The following ZNF664 variants were observed in gnomAD, a reference collection of about 807,000 sequenced individuals.
The protein encoded by ZNF664 is zinc finger protein 664, also known as zinc finger Organ of Corti 1.
A neutral mutation model predicts 18.2 loss-of-function variants in ZNF664; 10 were observed. The observed-to-expected ratio is 0.55, with a 90% confidence interval of 0.34 to 0.93. The LOEUF is 0.93. Among genes scored for constraint, ZNF664 ranks in the 40% least tolerant of loss-of-function variants. The pLI, the probability that ZNF664 is intolerant of heterozygous loss-of-function variation, is 0.02. For missense variants in ZNF664, 193 were observed against 319.0 expected (o/e 0.61, Z 3.01); for synonymous variants, 119 against 104.2 (o/e 1.14, Z -0.86).
At chr12:124,007,120 G>A (rs996812189) in intron 3 of ZNF664, among the ~76,000 whole-genome samples, 4 of 152,092 alleles carry the variant, frequency 2.6e-5, no homozygotes, top group Admixed American at 6.6e-5. Context: ...AAAATTTGCC[G>A]GAGTTTCTTT....
intron 3 of ZNF664, chr12:123,998,681 C>G (rs1174727907): frequency 6.6e-6 from 1 of 152,442 alleles, no homozygotes; most frequent in Admixed American, 6.5e-5. Flanking sequence ...AAGCTCCACT[C>G]AAACATGCTA....
chr12:123,979,833 C>T (rs1956741264), intron 2 of ZNF664, among the ~76,000 whole-genome samples: 1 of 151,534 alleles, frequency 6.6e-6, no homozygotes, highest in African/African-American at 2.4e-5. Flanking sequence ...ACACACACAC[C>T]ACTACACCTG....
At chr12:123,997,048 TAA>T (rs1394479645) in intron 3 of ZNF664, among the ~76,000 whole-genome samples, 3 of 151,988 alleles carry the variant, frequency 2.0e-5, no homozygotes, top group Non-Finnish European at 4.4e-5. Flanking sequence ...AAAACTCTTG[TAA>T]AGGAAAGGAA....
intron 2 of ZNF664, among the ~76,000 whole-genome samples, chr12:123,978,901 T>C (rs957283696): frequency 6.6e-6 from 1 of 152,196 alleles, no homozygotes; most frequent in African/African-American, 2.4e-5. Flanking sequence ...TTTGCAACAG[T>C]TGGGAAATTA....
chr12:124,008,707 C>A (rs1957101123), intron 3 of ZNF664, among the ~76,000 whole-genome samples: 1 of 152,210 alleles, frequency 6.6e-6, no homozygotes, highest in Non-Finnish European at 1.5e-5. Flanking sequence ...CTTCCCCATT[C>A]TCTACAGTCA....
rs147848680 is a variant in ZNF664, at chr12:124,006,841, G to T, written c.-660-4540G>T. Among the ~76,000 whole-genome samples, 805 of 152,276 alleles carry T rather than the reference G, an allele frequency of 5.3e-3. 11 individuals are homozygous for T. Among genetic ancestry groups the T allele is most frequent in the Non-Finnish European group, 4.9e-3 (333 of 68,030 alleles). ...CCTTCCTCCTCAGGTCAGAAAGAGG[G>T]ACTTGCAGTCATGTGGGATGTCCCC... On this transcript the variant is annotated intron_variant, in intron 3 of 4. Transcript: ENST00000337815.
At chr12:123,987,418 A>G (rs1242706170) in intron 2 of ZNF664, among the ~76,000 whole-genome samples, 1 of 152,250 alleles carries the variant, frequency 6.6e-6, no homozygotes, top group Admixed American at 6.5e-5. Context: ...TAAAATAATG[A>G]TAATGATAGC....
chr12:123,976,526 G>A (rs1254425192), intron 2 of ZNF664, among the ~76,000 whole-genome samples: 4 of 152,208 alleles, frequency 2.6e-5, no homozygotes, highest in African/African-American at 7.2e-5. Flanking sequence ...TAAAGTGGTT[G>A]TATTTTATCC....
chr12:123,977,131 G>A lies in ZNF664; in HGVS notation c.-757+3111G>A, dbSNP rs1956702603. On this transcript the variant is annotated intron_variant, in intron 2 of 4. Coordinates refer to ENST00000337815, the MANE Select transcript of ZNF664 (RefSeq NM_152437.3). ...TTGTTTCTAATTTTTAAGAAGTGGG[G>A]ATAAATAAAAGCAATAAAAAGGTAC... Among the ~76,000 whole-genome samples, 3 of 151,980 alleles carry A rather than the reference G, an allele frequency of 2.0e-5. No individual in the cohort carries two copies. The South Asian group carries it at 6.2e-4, about 32-fold the overall frequency.
chr12:123,982,542 A>T (rs1956777950), intron 2 of ZNF664, among the ~76,000 whole-genome samples: 1 of 152,200 alleles, frequency 6.6e-6, no homozygotes, highest in Admixed American at 6.5e-5. Context: ...CTGCCAGCTC[A>T]CATCACAGAC....
In ZNF664 at chr12:124,012,300, C is replaced by G. The variant is rs761976713; in HGVS notation, c.156C>G (p.Asp52Glu). 1 of 1,614,138 alleles carries G rather than the reference C, an allele frequency of 6.2e-7. No homozygotes were observed. ...HISELHIHWR[D>E]HTGEKVYKCD... ...CAGAACTTCATATTCATTGGAGAGA[C>G]CATACAGGAGAGAAGGTCTATAAAT... Residue 52 changes from aspartate to glutamate, a missense_variant, in exon 5 of 5, where the codon GAC becomes GAG. Transcript: ENST00000337815.
intron 3 of ZNF664, among the ~76,000 whole-genome samples, chr12:124,000,271 T>G (rs1179338758): frequency 6.6e-6 from 1 of 152,160 alleles, no homozygotes; most frequent in Admixed American, 6.5e-5. Context: ...AGGCTCCCCA[T>G]TGCCCTCTCC....
intron 3 of ZNF664, among the ~76,000 whole-genome samples, chr12:124,009,323 T>C (rs1234928298): frequency 1.3e-5 from 2 of 152,170 alleles, no homozygotes; most frequent in Non-Finnish European, 1.5e-5. Flanking sequence ...GTTTATTCTC[T>C]TTATTTTGTT....
chr12:123,977,631 A>G (rs1956711247), intron 2 of ZNF664, among the ~76,000 whole-genome samples: 2 of 152,206 alleles, frequency 1.3e-5, no homozygotes, highest in South Asian at 2.1e-4. Context: ...AAGAGAGGCC[A>G]TCTTCCGGGC....
At chr12:123,973,655 CGGGCAGGGCG>C in intron 1 of ZNF664, 1 of 625,118 alleles carries the variant, frequency 1.6e-6, no homozygotes, top group Non-Finnish European at 2.1e-6. Context: ...GGCTGGGCAG[CGGGCAGGGCG>C]AGGCCGGGCG....
In ZNF664 at chr12:124,013,656, A is replaced by G. The variant is rs1957159111; in HGVS notation, c.*726A>G. ...AGACTTATTTTGTAGTGGCTGCATC[A>G]CATATTTTTCACTTGAATTTTTTTG... On this transcript the variant is annotated 3_prime_UTR_variant, in exon 5 of 5. Transcript: ENST00000337815. 1 of 167,080 alleles carries G rather than the reference A, an allele frequency of 6.0e-6. No homozygotes were observed. The highest frequency in any genetic ancestry group is 2.4e-5 in the African/African-American group (1 of 41,458). The allele number at this position is 167,080 out of a possible 1,614,324, so 10.3% of individuals were successfully genotyped here.
intron 2 of ZNF664, chr12:123,974,584 A>G (rs1956660590): frequency 6.6e-6 from 1 of 152,252 alleles, no homozygotes; most frequent in Admixed American, 6.5e-5. Flanking sequence ...CTTTGTAAAA[A>G]CAGCATATCA....
Position 124,014,030 on chromosome 12 carries a change from A to G in ZNF664, c.*1100A>G, listed in dbSNP as rs1314693284. ...CACTGTGCTAGGTGCTGGGAATACC[A>G]CTGATGAGACAGACAAGGTCCCTAC... On this transcript the variant is annotated 3_prime_UTR_variant, in exon 5 of 5. Transcript: ENST00000337815. 6.0e-6 allele frequency: 1 copy of G among 167,144 alleles called. No homozygotes were observed. Among genetic ancestry groups the G allele is most frequent in the Non-Finnish European group, 1.5e-5 (1 of 68,146 alleles). 10.4% of individuals were successfully genotyped at this position (167,144 alleles called of 1,614,324 possible). A position where few individuals can be genotyped will look rare whatever the true frequency, so the allele number is the denominator to read the frequency against.
chr12:123,979,352 C>T (rs1374869895), intron 2 of ZNF664, among the ~76,000 whole-genome samples: 1 of 152,134 alleles, frequency 6.6e-6, no homozygotes, highest in Non-Finnish European at 1.5e-5. Context: ...AATTTAAAAA[C>T]TAGATTTTTT....
Sources: gnomAD v4.1 joint callset for allele counts (sites outside exome capture counted in the v4.1 genomes callset) on GRCh38, gnomAD v4.1.1 for gene constraint, MANE v1.5 for transcripts, NCBI Gene and HGNC (gene_info 2026-07-23, HGNC 2026-07-21) for gene names.